TEKT1: variants seen among roughly 807,000 people sequenced by gnomAD.
TEKT1 encodes tektin 1.
TEKT1 carries 32 observed loss-of-function variants against 34.8 expected under a neutral mutation model. The observed-to-expected ratio is 0.92, with a 90% CI of 0.69 to 1.23. TEKT1 has a LOEUF of 1.23. Ranked by LOEUF, TEKT1 falls within the 50% of genes most tolerant of loss-of-function variation. The probability of loss-of-function intolerance (pLI) is 0.00; values close to 1 mark genes in which losing one functional copy is unlikely to be tolerated. For missense variants in TEKT1, 492 were observed against 518.5 expected (o/e 0.95, Z 0.50); for synonymous variants, 207 against 199.8 (o/e 1.04, Z -0.30).
rs141292245 is a variant in TEKT1, at chr17:6,830,225, G to T, written c.152C>A (p.Thr51Asn). 6.2e-7 allele frequency: 1 copy of T among 1,610,110 alleles called. No homozygotes were observed. Among genetic ancestry groups the T allele is most frequent in the Non-Finnish European group, 8.5e-7 (1 of 1,179,188 alleles). The change falls in exon 2 of 8, where the codon ACC (threonine) becomes AAC (asparagine). Residue 51 changes from threonine to asparagine, a missense_variant. By Grantham distance (65) the Thr-to-Asn change is moderately conservative. Coordinates refer to ENST00000338694, the MANE Select transcript of TEKT1 (RefSeq NM_053285.2). ...CACATCGCTTTGAGATTTTCTTGTG[G>T]TCTTTTCAATTTCATCCACAAGCCT... is the stretch of plus-strand genomic sequence containing the variant. ...SQRLVDEIEKTTRKSQSDVNK... is the reference protein window; with the variant it reads ...SQRLVDEIEKNTRKSQSDVNK...
chr17:6,828,067 C>T (rs1227959555), intron 2 of TEKT1, among the ~76,000 whole-genome samples: 1 of 152,100 alleles, frequency 6.6e-6, no homozygotes. Context: ...GCCTCAGCCT[C>T]CTGAGTAACC....
At chr17:6,819,050 G>C in intron 3 of TEKT1, 143 bp downstream of exon 3, 1 of 979,758 alleles carries the variant, frequency 1.0e-6, no homozygotes, top group Non-Finnish European at 1.5e-6. Context: ...CAGCACCAGG[G>C]GCATGCTGGG....
intron 6 of TEKT1, among the ~76,000 whole-genome samples, chr17:6,802,073 C>T (rs141666200): frequency 0.037 from 5,607 of 152,178 alleles, 142 homozygotes; most frequent in Middle Eastern, 0.14. Context: ...ATACCTTTAT[C>T]ACACCAAAAA....
At chr17:6,816,041 AG>A in intron 3 of TEKT1, 79 bp from the exon 4 acceptor site, 1 of 1,573,794 alleles carries the variant, frequency 6.4e-7, no homozygotes, top group Non-Finnish European at 8.6e-7. Flanking sequence ...CTGCACACTC[AG>A]AACTATCTGC....
At position 6,800,019 on chromosome 17, in the gene TEKT1, C is replaced by A; in HGVS notation, c.*8G>T. The A allele has an allele frequency of 6.2e-7, 1 of 1,601,342 alleles. No individual in the cohort carries two copies. Among genetic ancestry groups the A allele is most frequent in the Non-Finnish European group, 8.5e-7 (1 of 1,178,788 alleles). On this transcript the variant is annotated 3_prime_UTR_variant, in exon 8 of 8. Coordinates refer to ENST00000338694, the MANE Select transcript of TEKT1 (RefSeq NM_053285.2). ...GTGGTTTAATGAGAATTGGAACTAGCCCTACTATTAGCAGACAGCATCAGG... is the reference window on the plus strand; with the variant it reads ...GTGGTTTAATGAGAATTGGAACTAGACCTACTATTAGCAGACAGCATCAGG...
chr17:6,816,383 C>T (rs140783869), intron 3 of TEKT1, among the ~76,000 whole-genome samples: 12,355 of 152,162 alleles, frequency 0.081, 626 homozygotes, highest in Middle Eastern at 0.19. Flanking sequence ...CCTCCCCCAG[C>T]CCCCCACACC....
intron 2 of TEKT1, among the ~76,000 whole-genome samples, chr17:6,822,395 C>T (rs1478041531): frequency 6.6e-6 from 1 of 152,100 alleles, no homozygotes; most frequent in Non-Finnish European, 1.5e-5. Flanking sequence ...TTTTGGCTTC[C>T]CAAAGTGCTG....
chr17:6,826,502 T>C (rs1248348229), intron 2 of TEKT1, among the ~76,000 whole-genome samples: 5 of 152,108 alleles, frequency 3.3e-5, no homozygotes, highest in Non-Finnish European at 7.4e-5. Flanking sequence ...TTTTCAGGCC[T>C]GCTTAAGAAT....
In TEKT1 at chr17:6,830,241, C is replaced by T. The variant is rs1287564424; in HGVS notation, c.136G>A (p.Asp46Asn). 1.9e-6 allele frequency: 3 copies of T among 1,612,582 alleles called. No homozygotes were observed. Among genetic ancestry groups the T allele is most frequent in the Non-Finnish European group, 2.5e-6 (3 of 1,179,764 alleles). ...RLVAESQRLVDEIEKTTRKSQ... is the reference protein window; with the variant it reads ...RLVAESQRLVNEIEKTTRKSQ... ...TTTCTTGTGGTCTTTTCAATTTCAT[C>T]CACAAGCCTCTGGCTTTCTGCGACC... The change falls in exon 2 of 8, where the codon GAT becomes AAT. Residue 46 changes from aspartate to asparagine, a missense_variant. Transcript: ENST00000338694.
At chr17:6,809,940 G>C (rs1013658582) in intron 6 of TEKT1, among the ~76,000 whole-genome samples, 1 of 152,212 alleles carries the variant, frequency 6.6e-6, no homozygotes, top group Non-Finnish European at 1.5e-5. Context: ...GAATAAAGCT[G>C]CTATAGACAT....
chr17:6,820,766 T>C (rs547126308), intron 2 of TEKT1, among the ~76,000 whole-genome samples: 2 of 152,296 alleles, frequency 1.3e-5, no homozygotes, highest in African/African-American at 2.4e-5. Flanking sequence ...TCTTCTCCTG[T>C]TGCTGTCCCG....
At chr17:6,801,006 G>T in intron 6 of TEKT1, 63 bp from the exon 7 acceptor site, 1 of 1,463,648 alleles carries the variant, frequency 6.8e-7, no homozygotes, top group Non-Finnish European at 9.4e-7. Flanking sequence ...ACAGCTGACA[G>T]CAGATGGGTT....
At chr17:6,812,645 C>T (rs577701424) in intron 6 of TEKT1, among the ~76,000 whole-genome samples, 186 bp downstream of exon 6, 10 of 152,348 alleles carry the variant, frequency 6.6e-5, no homozygotes, top group Non-Finnish European at 1.2e-4. Context: ...GGGCAAAGTC[C>T]CGCTCCAGTC....
chr17:6,815,811 G>T, intron 4 of TEKT1, 23 bp downstream of exon 4: 1 of 1,613,280 alleles, frequency 6.2e-7, no homozygotes, highest in Non-Finnish European at 8.5e-7. Context: ...TGGAGATTTG[G>T]AGGGCAGGCC....
chr17:6,822,170 T>C (rs1977100866), intron 2 of TEKT1, among the ~76,000 whole-genome samples: 1 of 152,116 alleles, frequency 6.6e-6, no homozygotes, highest in Admixed American at 6.5e-5. Context: ...AGGATCTCAC[T>C]CTGTCACCCA....
At chr17:6,814,069 C>T (rs1268482531) in intron 5 of TEKT1, among the ~76,000 whole-genome samples, 2 of 151,752 alleles carry the variant, frequency 1.3e-5, no homozygotes, top group Non-Finnish European at 2.9e-5. Flanking sequence ...CCCACCATCA[C>T]CCACAATCAG....
At chr17:6,819,061 A>G (rs1191187185) in intron 3 of TEKT1, 132 bp downstream of exon 3, 7 of 1,123,126 alleles carry the variant, frequency 6.2e-6, no homozygotes, top group Non-Finnish European at 8.7e-6. Context: ...GCATGCTGGG[A>G]TAACTTCAGG....
In TEKT1 at chr17:6,800,820, C is replaced by T. The variant is rs373699525; in HGVS notation, c.976G>A (p.Val326Met). Residue 326 changes from valine (V) to methionine (M), a missense_variant, in exon 7 of 8, where the codon GTG becomes ATG. Transcript: ENST00000338694. ...RLETRTHRPNVELCRDVAQYR... is the reference protein window; with the variant it reads ...RLETRTHRPNMELCRDVAQYR... Reference sequence around the variant, plus strand: ...TGTGCGACATCACGACACAGCTCCACGTTCGGCCGGTGTGTCCTGGTCTCC... The same window carrying T: ...TGTGCGACATCACGACACAGCTCCATGTTCGGCCGGTGTGTCCTGGTCTCC... 6 of 1,614,080 alleles carry T rather than the reference C, an allele frequency of 3.7e-6. No individual in the cohort carries two copies. Among genetic ancestry groups the T allele is most frequent in the South Asian group, 3.3e-5 (3 of 91,082 alleles).
chr17:6,812,154 C>T (rs918423158), intron 6 of TEKT1, among the ~76,000 whole-genome samples: 1 of 152,146 alleles, frequency 6.6e-6, no homozygotes, highest in African/African-American at 2.4e-5. Flanking sequence ...CTCTTTCTGT[C>T]TCCTGCTGCC....
Sources: gnomAD v4.1 joint callset for allele counts (sites outside exome capture counted in the v4.1 genomes callset) on GRCh38, gnomAD v4.1.1 for gene constraint, MANE v1.5 for transcripts, NCBI Gene and HGNC (gene_info 2026-07-23, HGNC 2026-07-21) for gene names.